CHEK2: variants seen among roughly 807,000 people sequenced by gnomAD.
CHEK2 encodes the protein serine/threonine-protein kinase Chk2.
A neutral mutation model predicts 69.1 loss-of-function variants in CHEK2; 71 were observed. That is an observed-to-expected ratio of 1.03 (90% CI 0.85 to 1.25). The LOEUF is 1.25. Ranked by LOEUF, CHEK2 falls within the 50% of genes most tolerant of loss-of-function variation. The pLI is 0.00. For missense variants in CHEK2, 664 were observed against 649.6 expected, an observed-to-expected ratio of 1.02 and a Z score of -0.24; for synonymous variants, 189 against 226.9, an observed-to-expected ratio of 0.83 and a Z score of 1.50.
At chr22:28,722,842 G>C (rs560524520) in intron 4 of CHEK2, among the ~76,000 whole-genome samples, 11 of 152,170 alleles carry the variant, frequency 7.2e-5, no homozygotes, top group Middle Eastern at 3.4e-3. Context: ...TCACCTTTCT[G>C]AGTAGCAGGG....
At chr22:28,724,442 A>G (rs934381079) in intron 4 of CHEK2, 1 of 173,198 alleles carries the variant, frequency 5.8e-6, no homozygotes, top group African/African-American at 2.4e-5. Context: ...CAAAAAAAAC[A>G]GTATATGGCA....
chr22:28,719,347 A>T (rs1271346195), intron 5 of CHEK2, 48 bp downstream of exon 5: 1 of 1,024,368 alleles, frequency 9.8e-7, no homozygotes, highest in East Asian at 2.6e-5. Context: ...ACCAATCACA[A>T]ATGTATAGTG....
chr22:28,710,280 C>T (rs1386718170), intron 6 of CHEK2, among the ~76,000 whole-genome samples: 2 of 152,124 alleles, frequency 1.3e-5, no homozygotes, highest in African/African-American at 4.8e-5. Flanking sequence ...TGGCCAGGCC[C>T]TGTGCCAAGC....
At position 28,699,841 on chromosome 22, in the gene CHEK2, C is replaced by T. The variant is rs2052756490; in HGVS notation, c.1005G>A (p.Val335=). The part of the protein sequence containing the change: ...KLYFYQMLLA[V]QYLHENGIIH... ...AAGAATTGAGGGCTTCTTTTACCTG[C>T]ACAGCCAAGAGCATCTGGTAAAAAT... Residue 335 remains valine, a synonymous_variant, in exon 9 of 15, where the codon GTG becomes GTA. Transcript: ENST00000404276. 4 of 1,610,818 alleles carry T rather than the reference C, an allele frequency of 2.5e-6. No individual in the cohort carries two copies. The African/African-American group carries it at 4.0e-5, about 16-fold the overall frequency.
intron 9 of CHEK2, among the ~76,000 whole-genome samples, chr22:28,698,925 A>C (rs562914790): frequency 6.6e-6 from 1 of 152,292 alleles, no homozygotes; most frequent in East Asian, 1.9e-4. Flanking sequence ...GACTTCTACA[A>C]GGATCAAGCA....
intron 13 of CHEK2, among the ~76,000 whole-genome samples, chr22:28,690,063 C>T (rs2052300082): frequency 6.6e-6 from 1 of 152,232 alleles, no homozygotes; most frequent in Non-Finnish European, 1.5e-5. Flanking sequence ...CCAGAGTTAT[C>T]TGATTCCAGT....
chr22:28,723,803 G>C (rs1258238389), intron 4 of CHEK2, among the ~76,000 whole-genome samples: 1 of 151,490 alleles, frequency 6.6e-6, no homozygotes, highest in Non-Finnish European at 1.5e-5. Context: ...CAAAAAATTA[G>C]CCAGGCGTGG....
intron 11 of CHEK2, 54 bp downstream of exon 11, chr22:28,695,656 G>A (rs573757563): frequency 4.7e-6 from 7 of 1,493,266 alleles, no homozygotes; most frequent in Non-Finnish European, 6.5e-6. Context: ...ACACATTTGT[G>A]ACTTCATCTA....
At chr22:28,726,501 T>C (rs897628786) in intron 2 of CHEK2, 6 of 146,412 alleles carry the variant, frequency 4.1e-5, no homozygotes, top group Non-Finnish European at 7.5e-5. Flanking sequence ...AATATAATTA[T>C]ATATTTATAC....
At chr22:28,721,556 G>A (rs561722292) in intron 4 of CHEK2, 8 of 439,670 alleles carry the variant, frequency 1.8e-5, no homozygotes, top group Admixed American at 1.3e-4. Flanking sequence ...CAAAGTGCTG[G>A]GATTAAAGAC....
chr22:28,704,718 G>A (rs752958889), intron 7 of CHEK2, among the ~76,000 whole-genome samples: 2 of 152,006 alleles, frequency 1.3e-5, no homozygotes, highest in Non-Finnish European at 2.9e-5. Flanking sequence ...TATTCATCAG[G>A]GACATACACC....
At position 28,687,926 on chromosome 22, in the gene CHEK2, G is replaced by T; in HGVS notation, c.1603C>A (p.Arg535Ser). The T allele has an allele frequency of 6.3e-7, 1 of 1,596,378 alleles. No individual in the cohort carries two copies. Among genetic ancestry groups the T allele is most frequent in the Non-Finnish European group, 8.5e-7 (1 of 1,179,722 alleles). ...GEAEGAETTK[R>S]PAVCAAVL Reference sequence around the variant, plus strand: ...AACACAGCAGCACACACAGCTGGGCGCTTTGTGGTCTCGGCACCCTCGGCT... The same window carrying T: ...AACACAGCAGCACACACAGCTGGGCTCTTTGTGGTCTCGGCACCCTCGGCT... Residue 535 changes from arginine (R) to serine (S), a missense_variant, in exon 15 of 15, where the codon CGC (arginine) becomes AGC (serine). Physicochemically the swap from Arg to Ser is moderately radical, Grantham distance 110. Coordinates refer to ENST00000404276, the MANE Select transcript of CHEK2 (RefSeq NM_007194.4).
rs78988069 is a variant in CHEK2, at chr22:28,734,917, G to C, written c.-6-190C>G. On this transcript the variant is annotated intron_variant, in intron 1 of 14. Coordinates refer to ENST00000404276, the MANE Select transcript of CHEK2 (RefSeq NM_007194.4). ...TTCTTCTGGGCTGAGCTTTTCACCA[G>C]ATCATTGTCACCAGATCAGTTTTTT... Among the ~76,000 whole-genome samples, 1,282 of 151,400 alleles carry C rather than the reference G, an allele frequency of 8.5e-3. 20 individuals carry two copies. Among genetic ancestry groups the C allele is most frequent in the African/African-American group, 0.028 (1,152 of 41,278 alleles).
intron 2 of CHEK2, among the ~76,000 whole-genome samples, chr22:28,727,538 G>A (rs1042610160): frequency 2.0e-5 from 3 of 152,098 alleles, no homozygotes; most frequent in Non-Finnish European, 2.9e-5. Flanking sequence ...CCAGCACTTG[G>A]GATATTGCAC....
intron 8 of CHEK2, among the ~76,000 whole-genome samples, chr22:28,700,828 T>C (rs2052812308): frequency 6.6e-6 from 1 of 152,138 alleles, no homozygotes; most frequent in Non-Finnish European, 1.5e-5. Context: ...TCGCTCTTAT[T>C]GCCCAGGCTG....
intron 2 of CHEK2, among the ~76,000 whole-genome samples, chr22:28,730,199 G>A (rs1028149220): frequency 1.4e-5 from 2 of 140,558 alleles, no homozygotes; most frequent in South Asian, 2.5e-4. Flanking sequence ...AGAGGAGAAA[G>A]GAGAGAGGAA....
At position 28,724,959 on chromosome 22, in the gene CHEK2, A is replaced by G. The variant is rs1206497698; in HGVS notation, c.592+18T>C. 4.3e-6 allele frequency: 7 copies of G among 1,613,090 alleles called. No individual in the cohort carries two copies. Among genetic ancestry groups the G allele is most frequent in the South Asian group, 2.2e-5 (2 of 91,072 alleles). On this transcript the variant is annotated intron_variant, in intron 4 of 14. Coordinates refer to ENST00000404276, the MANE Select transcript of CHEK2 (RefSeq NM_007194.4). ...GTGGAAAAAAAAAATTCCAGTAACC[A>G]TAAGATAATAATATTACCTTTATTT...
At chr22:28,738,911 G>T (rs2054486877) in intron 1 of CHEK2, among the ~76,000 whole-genome samples, 1 of 152,104 alleles carries the variant, frequency 6.6e-6, no homozygotes, top group African/African-American at 2.4e-5. Flanking sequence ...ATCTGACAAG[G>T]GATGAATAAC....
At chr22:28,731,679 T>G (rs2054221362) in intron 2 of CHEK2, among the ~76,000 whole-genome samples, 1 of 152,090 alleles carries the variant, frequency 6.6e-6, no homozygotes, top group Non-Finnish European at 1.5e-5. Flanking sequence ...AGGATCTTTG[T>G]TTACTTGTCT....
Sources: gnomAD v4.1 joint callset for allele counts (sites outside exome capture counted in the v4.1 genomes callset) on GRCh38, gnomAD v4.1.1 for gene constraint, MANE v1.5 for transcripts, NCBI Gene and HGNC (gene_info 2026-07-23, HGNC 2026-07-21) for gene names.